NLGN1: variants seen among roughly 807,000 people sequenced by gnomAD.
NLGN1 encodes the protein neuroligin-1.
NLGN1 carries 12 observed loss-of-function variants against 65.5 expected under a neutral mutation model. The observed-to-expected ratio is 0.18, with a 90% CI of 0.12 to 0.30. The LOEUF is 0.30. Among genes scored for constraint, NLGN1 ranks in the 10% least tolerant of loss-of-function variants. The pLI is 1.00. For missense variants in NLGN1, 750 were observed against 1,007.1 expected (o/e 0.74, Z 3.46); for synonymous variants, 350 against 359.5 (o/e 0.97, Z 0.30).
rs559927418 is a variant in NLGN1, at chr3:173,883,819, T to C, written c.646+75987T>C. ...TTTGATTAAAGGGAAACTTTCTTTT[T>C]TTTTTTTTTTTTTTTTAGAATTCCA... On this transcript the variant is annotated intron_variant, in intron 4 of 6. Transcript: ENST00000457714. 4.0e-5 allele frequency among the ~76,000 whole-genome samples: 6 copies of C among 150,004 alleles called. No individual in the cohort carries two copies. In the South Asian group the frequency reaches 6.3e-4, roughly 16 times the overall value.
intron 2 of NLGN1, among the ~76,000 whole-genome samples, chr3:173,564,737 T>C (rs1197663048): frequency 2.6e-5 from 4 of 152,244 alleles, no homozygotes; most frequent in Non-Finnish European, 5.9e-5. Flanking sequence ...AAGTCAATCA[T>C]TGTTGCTGCA....
At chr3:174,261,953 T>A (rs985347950) in intron 4 of NLGN1, among the ~76,000 whole-genome samples, 1 of 146,588 alleles carries the variant, frequency 6.8e-6, no homozygotes, top group African/African-American at 2.6e-5. Flanking sequence ...ATGTGGTTTT[T>A]GTCTTTGGCT....
At chr3:174,116,330 C>CT (rs1168837585) in intron 4 of NLGN1, among the ~76,000 whole-genome samples, 2,702 of 69,656 alleles carry the variant, frequency 0.039, 671 homozygotes, top group Non-Finnish European at 0.054. Flanking sequence ...TCTGGGTTTT[C>CT]TTTTTTTTTT....
At chr3:173,847,918 T>A (rs73033392) in intron 4 of NLGN1, among the ~76,000 whole-genome samples, 4,639 of 152,280 alleles carry the variant, frequency 0.03, 216 homozygotes, top group African/African-American at 0.11. Flanking sequence ...GAATGTACTA[T>A]ATTTTGAAAT....
At position 173,737,741 on chromosome 3, in the gene NLGN1, C is replaced by T. The variant is rs139211291; in HGVS notation, c.494-69939C>T. ...ATTCATGTACAAGAATTTGCATGGACATGTTTTTATTTCTCTCAGATTGTC... is the reference window on the plus strand; with the variant it reads ...ATTCATGTACAAGAATTTGCATGGATATGTTTTTATTTCTCTCAGATTGTC... On this transcript the variant is annotated intron_variant, in intron 3 of 6. Transcript: ENST00000457714. Among the ~76,000 whole-genome samples the T allele has an allele frequency of 3.3e-3, 500 of 152,110 alleles. 2 individuals carry two copies. The highest frequency in any genetic ancestry group is 0.011 in the African/African-American group (464 of 41,538).
chr3:173,443,362 G>A (rs1719580722), intron 2 of NLGN1, among the ~76,000 whole-genome samples: 1 of 148,104 alleles, frequency 6.8e-6, no homozygotes, highest in African/African-American at 2.5e-5. Context: ...AGTCATAAAA[G>A]GATAAATTGA....
chr3:173,585,485 C>A (rs1357513937), intron 2 of NLGN1, among the ~76,000 whole-genome samples: 1 of 152,108 alleles, frequency 6.6e-6, no homozygotes, highest in Non-Finnish European at 1.5e-5. Flanking sequence ...CCTCCCCCAC[C>A]CCTCTCTTCC....
intron 3 of NLGN1, among the ~76,000 whole-genome samples, chr3:173,671,106 T>TG (rs1355802525): frequency 5.9e-5 from 9 of 152,206 alleles, no homozygotes; most frequent in African/African-American, 2.2e-4. Context: ...AATACTTATG[T>TG]GGCCAATCAT....
intron 4 of NLGN1, among the ~76,000 whole-genome samples, chr3:173,878,400 A>C (rs1732553079): frequency 6.6e-6 from 1 of 152,116 alleles, no homozygotes; most frequent in African/African-American, 2.4e-5. Context: ...CTATATCATA[A>C]ATACCTTTCT....
chr3:174,200,351 C>T (rs958690495), intron 4 of NLGN1, among the ~76,000 whole-genome samples: 2 of 152,206 alleles, frequency 1.3e-5, no homozygotes, highest in Non-Finnish European at 2.9e-5. Flanking sequence ...GTTCTCAACT[C>T]TATAACCTCA....
intron 2 of NLGN1, among the ~76,000 whole-genome samples, chr3:173,580,428 G>A (rs1230472639): frequency 6.6e-6 from 1 of 151,682 alleles, no homozygotes; most frequent in Non-Finnish European, 1.5e-5. Context: ...CTTTCCTCCT[G>A]TATTGATTTC....
intron 4 of NLGN1, among the ~76,000 whole-genome samples, chr3:174,094,327 A>G (rs986395148): frequency 6.6e-6 from 1 of 152,172 alleles, no homozygotes; most frequent in African/African-American, 2.4e-5. Context: ...TTAAATACTC[A>G]TTATCTTATA....
chr3:173,534,005 G>T (rs1429310576), intron 2 of NLGN1, among the ~76,000 whole-genome samples: 1 of 152,046 alleles, frequency 6.6e-6, no homozygotes. Flanking sequence ...AAAGGCTTTG[G>T]AACATGGGCT....
At chr3:173,968,687 CTTTTTTT>C (rs34662762) in intron 4 of NLGN1, among the ~76,000 whole-genome samples, 2 of 59,474 alleles carry the variant, frequency 3.4e-5, no homozygotes, top group African/African-American at 1.5e-4. Context: ...TGAAAATAAT[CTTTTTTT>C]TTTTTTTTTT....
intron 4 of NLGN1, among the ~76,000 whole-genome samples, chr3:173,911,773 G>C (rs1469217091): frequency 6.6e-6 from 1 of 152,118 alleles, no homozygotes; most frequent in Non-Finnish European, 1.5e-5. Context: ...TAATAATAGT[G>C]TATCTCAAAC....
At chr3:173,789,862 C>T (rs781325078) in intron 3 of NLGN1, 1 of 514,772 alleles carries the variant, frequency 1.9e-6, no homozygotes. Context: ...TCCCAACTGC[C>T]TCACCTCCAT....
chr3:174,128,967 T>C (rs1357290409), intron 4 of NLGN1, among the ~76,000 whole-genome samples: 1 of 152,142 alleles, frequency 6.6e-6, no homozygotes, highest in Non-Finnish European at 1.5e-5. Flanking sequence ...TGCATCCTTG[T>C]CCTGTGGAGA....
rs545120178 is a variant in NLGN1, at chr3:173,612,947, C to T, written c.493+7856C>T. On this transcript the variant is annotated intron_variant, in intron 3 of 6. Transcript: ENST00000457714. Reference sequence around the variant, plus strand: ...TCTGCCTGTGTATATGTCTGTGTTCCAATGGTCAATATTTTAGAAGGATAC... The same window carrying T: ...TCTGCCTGTGTATATGTCTGTGTTCTAATGGTCAATATTTTAGAAGGATAC... 4.6e-5 allele frequency among the ~76,000 whole-genome samples: 7 copies of T among 152,114 alleles called. No homozygotes were observed. In the East Asian group the frequency reaches 1.4e-3, roughly 30 times the overall value.
At chr3:173,524,046 G>C (rs1385308058) in intron 2 of NLGN1, among the ~76,000 whole-genome samples, 1 of 148,008 alleles carries the variant, frequency 6.8e-6, no homozygotes, top group East Asian at 2.0e-4. Flanking sequence ...TTAGCCTCCC[G>C]AGTAGCTGGG....
Sources: allele counts gnomAD v4.1 joint callset (sites outside exome capture counted in the v4.1 genomes callset), GRCh38; gene constraint gnomAD v4.1.1; transcripts MANE v1.5; gene names NCBI Gene and HGNC (gene_info 2026-07-23, HGNC 2026-07-21).